DOCK1: variants seen among roughly 807,000 people sequenced by gnomAD.
DOCK1 encodes the protein dedicator of cytokinesis protein 1.
In DOCK1, 138 loss-of-function variants were observed where a neutral mutation model predicts 262.7. The ratio of observed to expected loss-of-function variants is 0.53; its 90% CI spans 0.46 to 0.61. DOCK1 has a LOEUF of 0.61. Ranked by LOEUF, DOCK1 falls within the 20% of genes least tolerant of loss-of-function variation. The pLI is 0.00. For missense variants in DOCK1, 1,908 were observed against 2,370.7 expected (o/e 0.80, Z 4.05); for synonymous variants, 866 against 867.4 (o/e 1.00, Z 0.03).
At chr10:127,050,808 TTATTA>T (rs2044675062) in intron 21 of DOCK1, among the ~76,000 whole-genome samples, 1 of 152,244 alleles carries the variant, frequency 6.6e-6, no homozygotes, top group African/African-American at 2.4e-5. Flanking sequence ...TTTCATGTGT[TTATTA>T]ATGAAGTTGA....
intron 23 of DOCK1, among the ~76,000 whole-genome samples, chr10:127,087,435 G>A (rs1356270913): frequency 6.6e-6 from 1 of 152,150 alleles, no homozygotes; most frequent in African/African-American, 2.4e-5. Context: ...GCAGGGGAGT[G>A]GAGTAGAGGG....
chr10:127,360,693 C>T (rs1441269488), intron 32 of DOCK1, among the ~76,000 whole-genome samples: 4 of 152,298 alleles, frequency 2.6e-5, no homozygotes, highest in South Asian at 4.2e-4. Flanking sequence ...ACAGCTCAAA[C>T]GATTTCTCTT....
At chr10:127,054,792 A>G (rs1485423092) in intron 22 of DOCK1, among the ~76,000 whole-genome samples, 14 of 152,210 alleles carry the variant, frequency 9.2e-5, no homozygotes, top group Non-Finnish European at 1.5e-4. Flanking sequence ...TCAATATGAC[A>G]TTGACTCAGG....
chr10:127,444,094 G>T lies in DOCK1; in HGVS notation c.5260-32G>T. 1.9e-6 allele frequency: 3 copies of T among 1,551,078 alleles called. No homozygotes were observed. In the South Asian group the frequency reaches 3.6e-5, roughly 18 times the overall value. On this transcript the variant is annotated intron_variant, in intron 49 of 51. Transcript: ENST00000623213. ...AACGCAACTCAGCCCATAACAGACC[G>T]TAACTGTGCTCTTTCTGTCCTTTTG... is the stretch of plus-strand genomic sequence containing the variant.
At chr10:127,255,244 A>T (rs1309078491) in intron 28 of DOCK1, among the ~76,000 whole-genome samples, 2 of 152,102 alleles carry the variant, frequency 1.3e-5, no homozygotes. Context: ...TACTAAAAAT[A>T]AAAAAACTAG....
At chr10:127,020,812 T>C (rs1202697867) in intron 13 of DOCK1, among the ~76,000 whole-genome samples, 1 of 152,116 alleles carries the variant, frequency 6.6e-6, no homozygotes, top group African/African-American at 2.4e-5. Flanking sequence ...TCGCTGTCTT[T>C]AGCCTGCAGA....
At chr10:127,017,643 A>G (rs1164036111) in intron 12 of DOCK1, among the ~76,000 whole-genome samples, 1 of 152,196 alleles carries the variant, frequency 6.6e-6, no homozygotes, top group Non-Finnish European at 1.5e-5. Flanking sequence ...CCATGCTAGT[A>G]GCAGAAATGA....
intron 28 of DOCK1, among the ~76,000 whole-genome samples, chr10:127,250,716 C>T (rs1010639855): frequency 5.1e-5 from 7 of 136,926 alleles, no homozygotes; most frequent in African/African-American, 1.1e-4. Context: ...GGCTGGAACC[C>T]GGGAGGCAGA....
At chr10:127,247,930 C>T (rs2059486227) in intron 27 of DOCK1, 78 bp from the exon 28 acceptor site, 1 of 1,423,814 alleles carries the variant, frequency 7.0e-7, no homozygotes, top group African/African-American at 1.4e-5. Context: ...TTTCAAGTCC[C>T]AGAATCTGGG....
chr10:127,076,078 T>C (rs2046516213), intron 23 of DOCK1, among the ~76,000 whole-genome samples: 1 of 152,166 alleles, frequency 6.6e-6, no homozygotes, highest in East Asian at 1.9e-4. Context: ...GCACAGGTAA[T>C]ATGTCCTTCT....
At chr10:127,287,674 TTTG>T (rs2061207897) in intron 29 of DOCK1, among the ~76,000 whole-genome samples, 1 of 152,132 alleles carries the variant, frequency 6.6e-6, no homozygotes, top group Admixed American at 6.6e-5. Flanking sequence ...TGTTTGTATG[TTTG>T]TTGTTGTTTT....
intron 10 of DOCK1, among the ~76,000 whole-genome samples, chr10:127,004,740 T>G (rs2040863284): frequency 7.4e-6 from 1 of 134,896 alleles, no homozygotes; most frequent in Non-Finnish European, 1.6e-5. Context: ...TACAGAGTCA[T>G]CCTGTCCCCC....
intron 29 of DOCK1, among the ~76,000 whole-genome samples, chr10:127,270,094 C>T (rs991220671): frequency 5.3e-5 from 8 of 152,176 alleles, no homozygotes; most frequent in South Asian, 2.1e-4. Context: ...AGCTCCCCAG[C>T]GCCTCCTCCG....
In DOCK1 at chr10:127,433,427, G is replaced by A. The variant is rs1206625898; in HGVS notation, c.5059G>A (p.Gly1687Arg). Residue 1687 changes from glycine (G) to arginine (R), a missense_variant and splice_region_variant, in exon 48 of 52, where the codon GGG becomes AGG. Transcript: ENST00000623213. ...DSTPSRPGSDGFALEPLLPKK... is the reference protein window; with the variant it reads ...DSTPSRPGSDRFALEPLLPKK... ...CACCCCTTCCAGACCAGGCTCCGAC[G>A]GGTGAGTCAAGCTCACAGCAGGGCT... The A allele has an allele frequency of 3.7e-6, 6 of 1,613,820 alleles. No individual in the cohort carries two copies. The highest frequency in any genetic ancestry group is 1.1e-5 in the South Asian group (1 of 91,068).
chr10:126,947,637 TTGG>T (rs1373295558), intron 1 of DOCK1, among the ~76,000 whole-genome samples: 17 of 66,012 alleles, frequency 2.6e-4, no homozygotes, highest in East Asian at 8.1e-4. Context: ...AGTATTACTG[TTGG>T]TGGTGGTGGT....
At chr10:127,024,857 TA>T in intron 15 of DOCK1, 74 bp downstream of exon 15, 1 of 1,318,162 alleles carries the variant, frequency 7.6e-7, no homozygotes, top group East Asian at 2.5e-5. Flanking sequence ...GGAAACATCC[TA>T]ACATCCTCCT....
At chr10:127,306,035 G>A (rs2061861724) in intron 29 of DOCK1, among the ~76,000 whole-genome samples, 1 of 135,656 alleles carries the variant, frequency 7.4e-6, no homozygotes, top group African/African-American at 2.8e-5. Flanking sequence ...TTTTTTTTGA[G>A]ACGGAGTCTC....
intron 1 of DOCK1, among the ~76,000 whole-genome samples, chr10:126,951,296 TTAG>T (rs1259200087): frequency 1.3e-4 from 20 of 150,340 alleles, no homozygotes; most frequent in South Asian, 2.1e-4. Flanking sequence ...ATTGGTAGTG[TTAG>T]TAGTGGTAGT....
chr10:127,254,028 C>T (rs973473803), intron 28 of DOCK1, among the ~76,000 whole-genome samples: 24 of 152,120 alleles, frequency 1.6e-4, no homozygotes, highest in Admixed American at 3.9e-4. Context: ...GATGCACCTG[C>T]CCTAAGCTGT....
Sources: gnomAD v4.1 joint callset for allele counts (sites outside exome capture counted in the v4.1 genomes callset) on GRCh38, gnomAD v4.1.1 for gene constraint, MANE v1.5 for transcripts, NCBI Gene and HGNC (gene_info 2026-07-23, HGNC 2026-07-21) for gene names.